The following ZNF541 variants were observed in gnomAD, a reference collection of about 807,000 sequenced individuals.
ZNF541 encodes the protein zinc finger protein 541.
In ZNF541, 23 loss-of-function variants were observed where a neutral mutation model predicts 123.5. The ratio of observed to expected loss-of-function variants is 0.19; its 90% CI spans 0.13 to 0.26. The LOEUF (loss-of-function observed/expected upper bound fraction) is 0.26. Ranked by LOEUF, ZNF541 falls within the 10% of genes least tolerant of loss-of-function variation. The pLI, the probability that ZNF541 is intolerant of heterozygous loss-of-function variation, is 1.00. For missense variants in ZNF541, 1,612 were observed against 1,789.9 expected (o/e 0.90, Z 1.79); for synonymous variants, 751 against 754.5 (o/e 1.00, Z 0.08).
In ZNF541 at chr19:47,544,485, A is replaced by T; in HGVS notation, c.2044T>A (p.Ser682Thr). The change falls in exon 5 of 17, where the codon TCC becomes ACC. Residue 682 changes from serine to threonine, a missense_variant. Ser to Thr is a moderately conservative substitution (Grantham distance 58). This residue lies in a region of ZNF541 where 1,080 missense variants were observed against 1,013.8 expected (regional missense o/e 1.07). Transcript: ENST00000391901. ...TCCAGGTCCAAGGTCCCTTTAGAGG[A>T]TCGCAGCTGCTTGGCCAGAGAAGAG... Reference protein sequence around the residue: ...DISSLAKQLRSSKGTLDLEDI... With the variant: ...DISSLAKQLRTSKGTLDLEDI... 1 of 1,551,694 alleles carries T rather than the reference A, an allele frequency of 6.4e-7. No individual in the cohort carries two copies. The highest frequency in any genetic ancestry group is 8.7e-7 in the Non-Finnish European group (1 of 1,147,006).
Position 47,545,189 on chromosome 19 carries a change from G to A in ZNF541, c.1340C>T (p.Ser447Phe), listed in dbSNP as rs1970280800. 3 of 1,517,136 alleles carry A rather than the reference G, an allele frequency of 2.0e-6. No individual in the cohort carries two copies. Among genetic ancestry groups the A allele is most frequent in the Non-Finnish European group, 2.7e-6 (3 of 1,130,650 alleles). The allele number at this position is 1,517,136 out of a possible 1,614,324, so 94.0% of individuals were successfully genotyped here. A position where few individuals can be genotyped will look rare whatever the true frequency, so the allele number is the denominator to read the frequency against. Residue 447 changes from serine (S) to phenylalanine (F), a missense_variant, in exon 5 of 17, where the codon TCT (serine) becomes TTT (phenylalanine). Physicochemically the swap from Ser to Phe is radical, Grantham distance 155. Transcript: ENST00000391901. The surrounding 1 kb of genome is among the most constrained non-coding windows in gnomAD (Gnocchi z 7.5). ...GCTTCCGCTGCTGGGTCCCGGGCCA[G>A]ACTCGGAGCCCTCCCGCGAGGGCAC... ...SAVPSREGSE[S>F]GPGPSSGSPS...
chr19:47,560,927 C>A (rs532902390), intron 2 of ZNF541, among the ~76,000 whole-genome samples: 3 of 152,044 alleles, frequency 2.0e-5, no homozygotes, highest in East Asian at 1.9e-4. Flanking sequence ...CATGGAGGAA[C>A]CTTAAATGCA....
intron 7 of ZNF541, 72 bp downstream of exon 7, chr19:47,540,104 C>T: frequency 2.0e-6 from 3 of 1,490,384 alleles, no homozygotes; most frequent in Non-Finnish European, 2.7e-6. Flanking sequence ...ATAAGTGACA[C>T]CAATCTCGTT....
chr19:47,541,798 T>C (rs924128544), intron 5 of ZNF541, among the ~76,000 whole-genome samples: 32 of 152,306 alleles, frequency 2.1e-4, no homozygotes, highest in Admixed American at 2.1e-3. Flanking sequence ...GGAGCCCTCA[T>C]ACACTGTGGG....
Position 47,555,766 on chromosome 19 carries a change from C to T in ZNF541, c.91G>A (p.Asp31Asn), listed in dbSNP as rs368317942. Reference protein sequence around the residue: ...FSESQGLNCSDTLNRDLGPNT... With the variant: ...FSESQGLNCSNTLNRDLGPNT... ...GGACCCAAATCCCGGTTGAGGGTGT[C>T]GCTGCAGTTGAGCCCTTGGCTCTCT... The change falls in exon 3 of 17, where the codon GAC becomes AAC. Residue 31 changes from aspartate (D) to asparagine (N), a missense_variant. Coordinates refer to ENST00000391901, the MANE Select transcript of ZNF541 (RefSeq NM_001277075.3). 7.3e-5 allele frequency: 113 copies of T among 1,551,702 alleles called. 2 individuals are homozygous for T. In the South Asian group the frequency reaches 1.2e-3, roughly 16 times the overall value.
chr19:47,538,782 C>A (rs1969945853), intron 8 of ZNF541, among the ~76,000 whole-genome samples: 2 of 152,184 alleles, frequency 1.3e-5, no homozygotes, highest in African/African-American at 4.8e-5. Flanking sequence ...AAATGACAAG[C>A]ACCGAAATGA....
chr19:47,553,529 C>T (rs1368054040), intron 3 of ZNF541, among the ~76,000 whole-genome samples: 1 of 152,004 alleles, frequency 6.6e-6, no homozygotes, highest in Admixed American at 6.6e-5. Context: ...CTGCCTCAGC[C>T]TCCCAAGTAG....
rs1286933648 is a variant in ZNF541 at position 47,573,091 on chromosome 19, G to A, written c.-254C>T. On this transcript the variant is annotated 5_prime_UTR_variant, in exon 1 of 17. Coordinates refer to ENST00000391901, the MANE Select transcript of ZNF541 (RefSeq NM_001277075.3). ...CAGCAACCGGGTTTTACCCGCCCCC[G>A]GGGGCTCGCGCGCCGGGCCTCGCGC... Among the ~76,000 whole-genome samples the A allele has an allele frequency of 1.3e-5, 2 of 150,324 alleles. No individual in the cohort carries two copies. The highest frequency in any genetic ancestry group is 3.0e-5 in the Non-Finnish European group (2 of 67,412).
rs1463534376 is a variant in ZNF541, at chr19:47,544,701, A to T, written c.1828T>A (p.Ser610Thr). The change falls in exon 5 of 17, where the codon TCT (serine) becomes ACT (threonine). Residue 610 changes from serine to threonine, a missense_variant. Physicochemically the swap from Ser to Thr is moderately conservative, Grantham distance 58. This residue lies in a region of ZNF541 where 1,080 missense variants were observed against 1,013.8 expected (regional missense o/e 1.07). Transcript: ENST00000391901. ...GGGTTTCCAGGGCCGGCGTGGAGAG[A>T]GTCCACAGCAGGAGCCAGTGGTGGG... is the stretch of plus-strand genomic sequence containing the variant. ...QPPPLAPAVD[S>T]LHAGPGNPEA... The T allele has an allele frequency of 6.6e-7, 1 of 1,512,974 alleles. No homozygotes were observed. Among genetic ancestry groups the T allele is most frequent in the Non-Finnish European group, 8.8e-7 (1 of 1,132,842 alleles). 93.7% of individuals were successfully genotyped at this position (1,512,974 alleles called of 1,614,324 possible). A position where few individuals can be genotyped will look rare whatever the true frequency, so the allele number is the denominator to read the frequency against.
In ZNF541 at chr19:47,540,928, G is replaced by T; in HGVS notation, c.2427C>A (p.Pro809=). 1 of 1,550,952 alleles carries T rather than the reference G, an allele frequency of 6.4e-7. No individual in the cohort carries two copies. The highest frequency in any genetic ancestry group is 8.7e-7 in the Non-Finnish European group (1 of 1,146,764). ...CCACATTCTCTTCCTTCACCGGATG[G>T]GGGAGCCTGTAGATGTTTCCACCCT... ...RIQGGNIYRL[P]HPVKEENVAG... is the part of the protein sequence containing the mutation. Residue 809 remains proline (P), a synonymous_variant, in exon 6 of 17, where the codon CCC becomes CCA. Coordinates refer to ENST00000391901, the MANE Select transcript of ZNF541 (RefSeq NM_001277075.3).
chr19:47,540,117 C>T, intron 7 of ZNF541, 59 bp downstream of exon 7: 1 of 1,507,126 alleles, frequency 6.6e-7, no homozygotes, highest in Non-Finnish European at 8.9e-7. Flanking sequence ...ATCTCGTTTA[C>T]TCCCCACAGG....
At chr19:47,560,722 CAACT>C (rs1259372131) in intron 2 of ZNF541, among the ~76,000 whole-genome samples, 31 of 152,058 alleles carry the variant, frequency 2.0e-4, no homozygotes, top group Admixed American at 2.0e-3. Context: ...GGCATCCATC[CAACT>C]GAGCTGAAAA....
intron 7 of ZNF541, 74 bp downstream of exon 7, chr19:47,540,102 C>T (rs1970013203): frequency 8.1e-6 from 12 of 1,488,270 alleles, no homozygotes; most frequent in Non-Finnish European, 9.8e-6. Context: ...AGATAAGTGA[C>T]ACCAATCTCG....
intron 2 of ZNF541, among the ~76,000 whole-genome samples, chr19:47,565,507 C>T (rs144822225): frequency 4.0e-4 from 61 of 152,056 alleles, no homozygotes; most frequent in Admixed American, 3.9e-4. Context: ...ATAATGCCTT[C>T]GGGCTCTACT....
chr19:47,567,778 T>C (rs1419716250), intron 2 of ZNF541, among the ~76,000 whole-genome samples: 1 of 152,236 alleles, frequency 6.6e-6, no homozygotes, highest in East Asian at 1.9e-4. Context: ...CACTGATTTC[T>C]GTGCCCTGCC....
At chr19:47,553,989 C>T (rs1310995675) in intron 3 of ZNF541, among the ~76,000 whole-genome samples, 1 of 152,148 alleles carries the variant, frequency 6.6e-6, no homozygotes, top group African/African-American at 2.4e-5. Context: ...GTCTAACAGT[C>T]CAATGGAATA....
intron 9 of ZNF541, among the ~76,000 whole-genome samples, chr19:47,535,661 T>C (rs1265472739): frequency 6.6e-6 from 1 of 151,714 alleles, no homozygotes; most frequent in African/African-American, 2.4e-5. Context: ...CTGGGTGTGG[T>C]GGCTCAGGCC....
Position 47,521,377 on chromosome 19 carries a change from C to T in ZNF541, c.3888G>A (p.Arg1296=), listed in dbSNP as rs1175336179. 1.9e-6 allele frequency: 3 copies of T among 1,551,704 alleles called. No homozygotes were observed. Among genetic ancestry groups the T allele is most frequent in the Non-Finnish European group, 2.6e-6 (3 of 1,146,998 alleles). ...QGIFPCRECE[R]VFDKIKSRNA... ...TTCGACTCTTGATCTTGTCAAACAC[C>T]CTGAGGAGTCACCAGAGGACATGGG... Residue 1296 remains arginine, a splice_region_variant and synonymous_variant, in exon 17 of 17, where the codon AGG becomes AGA. Coordinates refer to ENST00000391901, the MANE Select transcript of ZNF541 (RefSeq NM_001277075.3). This position sits in a 1 kb window ranked among gnomAD's most constrained non-coding sequence, Gnocchi z 4.2.
intron 9 of ZNF541, among the ~76,000 whole-genome samples, chr19:47,533,720 G>T (rs1006763478): frequency 2.6e-5 from 4 of 152,134 alleles, no homozygotes; most frequent in Non-Finnish European, 5.9e-5. Flanking sequence ...GAATGTGCCT[G>T]TAATCCCAGC....
Sources: allele counts gnomAD v4.1 joint callset (sites outside exome capture counted in the v4.1 genomes callset), GRCh38; gene constraint gnomAD v4.1.1; regional missense constraint gnomAD v4.1.1; non-coding constraint Gnocchi (gnomAD v3.1); transcripts MANE v1.5; gene names NCBI Gene and HGNC (gene_info 2026-07-23, HGNC 2026-07-21).